Variants in VWA3B observed in about 807,000 individuals in gnomAD.
VWA3B encodes von Willebrand factor A domain-containing protein 3B.
In VWA3B, 138 loss-of-function variants were observed where a neutral mutation model predicts 158.3. The ratio of observed to expected loss-of-function variants is 0.87; its 90% CI spans 0.76 to 1.00. VWA3B has a LOEUF of 1.00. Among genes scored for constraint, VWA3B ranks in the 50% least tolerant of loss-of-function variants. The pLI is 0.00. For missense variants in VWA3B, 1,555 were observed against 1,565.1 expected, an observed-to-expected ratio of 0.99 and a Z score of 0.11; for synonymous variants, 596 against 587.3, an observed-to-expected ratio of 1.01 and a Z score of -0.21.
chr2:98,179,873 T>C (rs1680384437), intron 8 of VWA3B, among the ~76,000 whole-genome samples: 1 of 119,070 alleles, frequency 8.4e-6, no homozygotes, highest in Non-Finnish European at 1.8e-5. Context: ...TTCTCTCTCC[T>C]TCCTCCCTCC....
At chr2:98,090,167 C>G (rs1249463682) in intron 1 of VWA3B, among the ~76,000 whole-genome samples, 1 of 152,168 alleles carries the variant, frequency 6.6e-6, no homozygotes, top group Non-Finnish European at 1.5e-5. Context: ...TTTCTTGTTT[C>G]TTGGAACAAC....
Position 98,092,370 on chromosome 2 carries a change from C to T in VWA3B, c.-32-691C>T, listed in dbSNP as rs539901995. 2.4e-3 allele frequency among the ~76,000 whole-genome samples: 364 copies of T among 152,318 alleles called. 3 individuals carry two copies. The highest frequency in any genetic ancestry group is 4.7e-3 in the Admixed American group (72 of 15,308). On this transcript the variant is annotated intron_variant, in intron 1 of 27. Coordinates refer to ENST00000477737, the MANE Select transcript of VWA3B (RefSeq NM_144992.5). ...ATTATAAAAGTAAATTCCAGCTGGG[C>T]GCAGTGGCTCACGCCTGTAATCCCA...
At chr2:98,279,349 T>TA (rs1688733794) in intron 22 of VWA3B, among the ~76,000 whole-genome samples, 1 of 152,194 alleles carries the variant, frequency 6.6e-6, no homozygotes, top group East Asian at 1.9e-4. Context: ...ATTCTGAAGC[T>TA]AAAGGCACCC....
chr2:98,241,213 TG>T (rs1170422921), intron 19 of VWA3B, among the ~76,000 whole-genome samples: 1 of 151,828 alleles, frequency 6.6e-6, no homozygotes, highest in Non-Finnish European at 1.5e-5. Context: ...CCCCAGGCAG[TG>T]GGGGAGCTTG....
intron 17 of VWA3B, among the ~76,000 whole-genome samples, 196 bp from the exon 18 acceptor site, chr2:98,236,194 T>C (rs933986991): frequency 6.6e-6 from 1 of 152,196 alleles, no homozygotes; most frequent in African/African-American, 2.4e-5. Context: ...TATTTACCCA[T>C]GCATTGGTCT....
At chr2:98,089,214 A>G (rs908864900) in intron 1 of VWA3B, among the ~76,000 whole-genome samples, 2 of 152,160 alleles carry the variant, frequency 1.3e-5, no homozygotes, top group African/African-American at 4.8e-5. Context: ...CAACTCTCAC[A>G]CCAAGTGCCT....
chr2:98,314,353 C>T (rs546190419), downstream of VWA3B, among the ~76,000 whole-genome samples: 36 of 152,276 alleles, frequency 2.4e-4, no homozygotes, highest in African/African-American at 8.7e-4. Flanking sequence ...AGAGAAAGGA[C>T]CACTCAAAGT....
rs114951962 is a variant in VWA3B at position 98,224,035 on chromosome 2, C to T, written c.2020-4167C>T. Among the ~76,000 whole-genome samples, 980 of 152,252 alleles carry T rather than the reference C, an allele frequency of 6.4e-3. 6 individuals are homozygous for T. The highest frequency in any genetic ancestry group is 0.022 in the African/African-American group (934 of 41,528). On this transcript the variant is annotated intron_variant, in intron 14 of 27. Transcript: ENST00000477737. ...TAGCAACCCCAAACTTTATATTTCA[C>T]AAAACTATCCTTCAAGGATGAAGGG...
intron 7 of VWA3B, among the ~76,000 whole-genome samples, chr2:98,141,419 G>GC (rs1015843495): frequency 6.6e-6 from 1 of 152,136 alleles, no homozygotes; most frequent in African/African-American, 2.4e-5. Context: ...CAAAGGGGGA[G>GC]CCAGTGCATT....
chr2:98,178,230 T>G (rs927970504), intron 8 of VWA3B, among the ~76,000 whole-genome samples: 2 of 152,144 alleles, frequency 1.3e-5, no homozygotes, highest in African/African-American at 4.8e-5. Flanking sequence ...AAAAATGTTT[T>G]GTGATTCATG....
At chr2:98,089,229 C>T (rs141040143) in intron 1 of VWA3B, among the ~76,000 whole-genome samples, 44 of 152,238 alleles carry the variant, frequency 2.9e-4, no homozygotes, top group Non-Finnish European at 5.0e-4. Flanking sequence ...GTGCCTGCTG[C>T]GTATGAGGCC....
At position 98,298,441 on chromosome 2, in the gene VWA3B, T is replaced by TCTATTCTATTCTATG. The variant is rs1553439678; in HGVS notation, c.3282+414_3282+415insTCTATTCTATGCTAT. Among the ~76,000 whole-genome samples the TCTATTCTATTCTATG allele has an allele frequency of 2.3e-3, 275 of 118,498 alleles. 1 individual carries two copies. The highest frequency in any genetic ancestry group is 0.017 in the Middle Eastern group (4 of 238). The allele number at this position is 118,498 out of a possible 152,430, so 77.7% of individuals were successfully genotyped here. The stretch of plus-strand genomic sequence containing the variant: ...TCTATTCTATTCTATTCTATTCTAT[T>TCTATTCTATTCTATG]CTATGCCATGCCATGCCATGCCATG... On this transcript the variant is annotated intron_variant, in intron 24 of 27. Coordinates refer to ENST00000477737, the MANE Select transcript of VWA3B (RefSeq NM_144992.5).
intron 7 of VWA3B, among the ~76,000 whole-genome samples, chr2:98,151,498 T>G (rs559224571): frequency 1.3e-5 from 2 of 152,230 alleles, no homozygotes; most frequent in Admixed American, 1.3e-4. Flanking sequence ...TCATATCCAG[T>G]TGGCCAGAGC....
At chr2:98,280,081 A>C (rs1223604797) in intron 22 of VWA3B, among the ~76,000 whole-genome samples, 3 of 152,220 alleles carry the variant, frequency 2.0e-5, no homozygotes, top group South Asian at 4.1e-4. Context: ...TCATCTCCGG[A>C]GTAGCGGGAA....
intron 13 of VWA3B, among the ~76,000 whole-genome samples, chr2:98,213,186 G>A (rs1024306975): frequency 6.6e-6 from 1 of 152,202 alleles, no homozygotes. Context: ...AAATATGTGG[G>A]GGGCTCAGAG....
intron 21 of VWA3B, among the ~76,000 whole-genome samples, chr2:98,262,587 G>A (rs1277796182): frequency 6.6e-6 from 1 of 151,794 alleles, no homozygotes; most frequent in African/African-American, 2.4e-5. Flanking sequence ...GATCACATGA[G>A]AGCTTATTTA....
At chr2:98,265,126 C>T (rs557367591) in intron 21 of VWA3B, among the ~76,000 whole-genome samples, 25 of 151,364 alleles carry the variant, frequency 1.7e-4, no homozygotes, top group African/African-American at 5.6e-4. Context: ...ATGTGCCATG[C>T]TGGTGCGCTG....
intron 22 of VWA3B, among the ~76,000 whole-genome samples, chr2:98,271,907 C>T (rs1243228853): frequency 1.3e-5 from 2 of 152,190 alleles, no homozygotes; most frequent in Non-Finnish European, 2.9e-5. Context: ...ACTTGATCTC[C>T]CTTGCAGCAG....
chr2:98,090,680 C>T (rs1254747612), intron 1 of VWA3B, among the ~76,000 whole-genome samples: 1 of 152,054 alleles, frequency 6.6e-6, no homozygotes, highest in Non-Finnish European at 1.5e-5. Flanking sequence ...ATTTGTATAC[C>T]TTTGCAACTC....
Sources: gnomAD v4.1 joint callset for allele counts (sites outside exome capture counted in the v4.1 genomes callset) on GRCh38, gnomAD v4.1.1 for gene constraint, MANE v1.5 for transcripts, NCBI Gene and HGNC (gene_info 2026-07-23, HGNC 2026-07-21) for gene names.